PDE4D: variants seen among roughly 807,000 people sequenced by gnomAD.
PDE4D encodes 3',5'-cyclic-AMP phosphodiesterase 4D.
In PDE4D, 24 loss-of-function variants were observed where a neutral mutation model predicts 87.4. That is an observed-to-expected ratio of 0.27 (90% CI 0.20 to 0.39). PDE4D has a LOEUF of 0.39. Ranked by LOEUF, PDE4D falls within the 10% of genes least tolerant of loss-of-function variation. The pLI, the probability that PDE4D is intolerant of heterozygous loss-of-function variation, is 1.00. For missense variants in PDE4D, 714 were observed against 1,041.0 expected (o/e 0.69, Z 4.32); for synonymous variants, 384 against 383.2 (o/e 1.00, Z -0.02).
chr5:59,354,412 T>G (rs770312929), intron 1 of PDE4D, among the ~76,000 whole-genome samples: 11 of 152,196 alleles, frequency 7.2e-5, no homozygotes, highest in African/African-American at 2.4e-5. Context: ...TTTAACACCT[T>G]TAATTCCAAG....
chr5:59,453,675 G>A (rs149312005), intron 1 of PDE4D, among the ~76,000 whole-genome samples: 23 of 152,300 alleles, frequency 1.5e-4, no homozygotes, highest in African/African-American at 5.1e-4. Flanking sequence ...ATAGAGATGA[G>A]GAAGCTGCAG....
At chr5:59,429,758 A>G (rs1795843336) in intron 1 of PDE4D, among the ~76,000 whole-genome samples, 1 of 152,160 alleles carries the variant, frequency 6.6e-6, no homozygotes, top group Non-Finnish European at 1.5e-5. Flanking sequence ...GATACTACAT[A>G]AAAAGGGTGG....
At chr5:60,484,202 A>AC (rs1748952326) in intron 1 of PDE4D, among the ~76,000 whole-genome samples, 1 of 151,978 alleles carries the variant, frequency 6.6e-6, no homozygotes, top group Non-Finnish European at 1.5e-5. Flanking sequence ...AAAAAAAAAA[A>AC]AACCCAAGAA....
chr5:59,912,312 T>C lies in PDE4D; in HGVS notation c.272+76176A>G, dbSNP rs1017408. Among the ~76,000 whole-genome samples the C allele has an allele frequency of 5.5e-3, 835 of 152,340 alleles. 6 individuals carry two copies. The highest frequency in any genetic ancestry group is 0.019 in the African/African-American group (796 of 41,580). ...AAGAAAAGATTTAAGCTAATTTTTC[T>C]ATATTTTAATGTAACTCACCTTAAA... is the stretch of plus-strand genomic sequence containing the variant. On this transcript the variant is annotated intron_variant, in intron 3 of 16. Coordinates refer to the PDE4D transcript ENST00000502484.
chr5:60,149,079 C>T (rs1042548602), intron 2 of PDE4D, among the ~76,000 whole-genome samples: 1 of 152,052 alleles, frequency 6.6e-6, no homozygotes, highest in South Asian at 2.1e-4. Context: ...TAAAATTGAG[C>T]CTAATTTGAT....
At chr5:59,183,219 A>G (rs745958804) in intron 4 of PDE4D, among the ~76,000 whole-genome samples, 1 of 152,186 alleles carries the variant, frequency 6.6e-6, no homozygotes, top group Non-Finnish European at 1.5e-5. Flanking sequence ...ATTTGCATTG[A>G]CCAAAAGGAA....
chr5:59,163,145 C>A (rs1481067468), intron 5 of PDE4D, among the ~76,000 whole-genome samples: 1 of 148,960 alleles, frequency 6.7e-6, no homozygotes, highest in Non-Finnish European at 1.5e-5. Flanking sequence ...GGGGTTTCAC[C>A]ATGTTGCCCA....
intron 1 of PDE4D, among the ~76,000 whole-genome samples, chr5:59,331,650 T>C (rs1776748401): frequency 6.6e-6 from 1 of 152,152 alleles, no homozygotes; most frequent in Non-Finnish European, 1.5e-5. Flanking sequence ...TGATAATCTA[T>C]AGAAAAACTG....
At chr5:59,777,849 T>C (rs1200470961) in intron 1 of PDE4D, among the ~76,000 whole-genome samples, 1 of 152,180 alleles carries the variant, frequency 6.6e-6, no homozygotes. Flanking sequence ...ATATACACTC[T>C]AAAAGATTCC....
chr5:59,073,072 A>G (rs941148346), intron 5 of PDE4D, among the ~76,000 whole-genome samples: 3 of 152,236 alleles, frequency 2.0e-5, no homozygotes, highest in Admixed American at 2.0e-4. Flanking sequence ...CTTATAACAG[A>G]AAGGTATCTG....
intron 1 of PDE4D, among the ~76,000 whole-genome samples, chr5:59,628,298 A>C (rs1026552319): frequency 1.3e-5 from 2 of 152,190 alleles, no homozygotes; most frequent in Non-Finnish European, 2.9e-5. Context: ...GGAATTTGGC[A>C]GGCAGCACCG....
chr5:59,610,780 A>C (rs934158763), intron 1 of PDE4D, among the ~76,000 whole-genome samples: 14 of 152,202 alleles, frequency 9.2e-5, no homozygotes, highest in Non-Finnish European at 1.8e-4. Flanking sequence ...TGAGGTTTTG[A>C]GTGGTGAAGA....
chr5:59,867,634 A>G (rs1747236555), intron 1 of PDE4D, among the ~76,000 whole-genome samples: 1 of 152,174 alleles, frequency 6.6e-6, no homozygotes, highest in Non-Finnish European at 1.5e-5. Context: ...AAGTAAAAGA[A>G]TAGTCATCAC....
At chr5:59,390,384 C>T (rs1041039052) in intron 1 of PDE4D, among the ~76,000 whole-genome samples, 2 of 152,058 alleles carry the variant, frequency 1.3e-5, no homozygotes, top group African/African-American at 4.8e-5. Context: ...CATGCTTGAA[C>T]ATCTAACAAT....
intron 2 of PDE4D, among the ~76,000 whole-genome samples, chr5:60,119,759 C>T (rs912361028): frequency 5.9e-5 from 9 of 152,084 alleles, no homozygotes; most frequent in Admixed American, 5.2e-4. Flanking sequence ...CATGCATATA[C>T]ATAAGTGGGT....
intron 5 of PDE4D, among the ~76,000 whole-genome samples, chr5:59,106,470 C>A (rs565286762): frequency 3.3e-5 from 5 of 152,242 alleles, no homozygotes; most frequent in African/African-American, 1.2e-4. Context: ...AGGAAAAAAA[C>A]CACCATGTTA....
At chr5:59,506,676 G>GA (rs909154962) in intron 1 of PDE4D, among the ~76,000 whole-genome samples, 2 of 150,998 alleles carry the variant, frequency 1.3e-5, no homozygotes, top group African/African-American at 4.9e-5. Context: ...CAAAAGTCCA[G>GA]AAAAAAAAAT....
intron 1 of PDE4D, among the ~76,000 whole-genome samples, chr5:60,303,711 C>A (rs1583355431): frequency 6.6e-6 from 1 of 152,090 alleles, no homozygotes; most frequent in Admixed American, 6.5e-5. Flanking sequence ...TGTTTTACTT[C>A]CGGTTATGTG....
intron 1 of PDE4D, among the ~76,000 whole-genome samples, chr5:60,505,035 A>G (rs928150875): frequency 1.3e-5 from 2 of 152,232 alleles, no homozygotes. Context: ...ACATTTGCTC[A>G]AAGGTGTGCT....
Sources: allele counts gnomAD v4.1 joint callset (sites outside exome capture counted in the v4.1 genomes callset), GRCh38; gene constraint gnomAD v4.1.1; transcripts MANE v1.5; gene names NCBI Gene and HGNC (gene_info 2026-07-23, HGNC 2026-07-21).